Variants in TRIM62 observed in about 807,000 individuals in gnomAD.
TRIM62 encodes the protein E3 ubiquitin-protein ligase TRIM62.
A neutral mutation model predicts 44.2 loss-of-function variants in TRIM62; 39 were observed. That is an observed-to-expected ratio of 0.88 (90% CI 0.68 to 1.15). The LOEUF (loss-of-function observed/expected upper bound fraction) is 1.15, where lower values mean the gene tolerates loss of function less well. Ranked by LOEUF, TRIM62 falls within the 50% of genes most tolerant of loss-of-function variation. The pLI, the probability that TRIM62 is intolerant of heterozygous loss-of-function variation, is 0.00. For missense variants in TRIM62, 544 were observed against 665.5 expected (o/e 0.82, Z 2.01); for synonymous variants, 278 against 292.3 (o/e 0.95, Z 0.50).
Position 33,161,152 on chromosome 1 carries a change from C to T in TRIM62, c.505-1208G>A, listed in dbSNP as rs1262987910. Among the ~76,000 whole-genome samples, 1 of 152,216 alleles carries T rather than the reference C, an allele frequency of 6.6e-6. No individual in the cohort carries two copies. Among genetic ancestry groups the T allele is most frequent in the South Asian group, 2.1e-4 (1 of 4,832 alleles). ...AAATGAGGGGGTGTTGTTGTGCGCA[C>T]TCCAAGGCGCAGAGAAAGAGCCTGG... On this transcript the variant is annotated intron_variant, in intron 2 of 4. Coordinates refer to ENST00000291416, the MANE Select transcript of TRIM62 (RefSeq NM_018207.3). This position sits in a 1 kb window ranked among gnomAD's most constrained non-coding sequence, Gnocchi z 4.3.
Position 33,147,236 on chromosome 1 carries a change from GGCCAGGGCT to G in TRIM62, c.1360_1368del (p.Ser454_Gly456del), listed in dbSNP as rs1213335628. ...ACGTTCTTGCCATTGGCGTGGCTCT[GGCCAGGGCT>G]GAAGTAAGAGCAGAGCTTGCCAGGG... On this transcript the variant is annotated inframe_deletion, in exon 5 of 5. Transcript: ENST00000291416. The surrounding 1 kb of genome is among the most constrained non-coding windows in gnomAD (Gnocchi z 8.1). 6 of 1,613,944 alleles carry G rather than the reference GGCCAGGGCT, an allele frequency of 3.7e-6. No homozygotes were observed. The highest frequency in any genetic ancestry group is 4.2e-6 in the Non-Finnish European group (5 of 1,180,052).
In TRIM62 at chr1:33,177,132, C is replaced by T. The variant is rs1380831634; in HGVS notation, c.408+3893G>A. Among the ~76,000 whole-genome samples, 2 of 151,814 alleles carry T rather than the reference C, an allele frequency of 1.3e-5. No homozygotes were observed. The highest frequency in any genetic ancestry group is 2.9e-5 in the Non-Finnish European group (2 of 67,954). On this transcript the variant is annotated intron_variant, in intron 1 of 4. Transcript: ENST00000291416. The surrounding 1 kb of genome is among the most constrained non-coding windows in gnomAD (Gnocchi z 4.1). ...ACACACATGCATGTACGCATGCACA[C>T]ACACGCACATGCACACCCACAGGTT...
Position 33,146,020 on chromosome 1 carries a change from G to GCCAAT in TRIM62, c.*1156_*1157insATTGG. ...CTATTGGCTGGCACGGACCGTGGCAGAGGGAGCCTAGTTCTGCAGTCAGCA... is the reference window on the plus strand; with the variant it reads ...CTATTGGCTGGCACGGACCGTGGCAGCCAATAGGGAGCCTAGTTCTGCAGTCAGCA... On this transcript the variant is annotated 3_prime_UTR_variant, in exon 5 of 5. Coordinates refer to ENST00000291416, the MANE Select transcript of TRIM62 (RefSeq NM_018207.3). The GCCAAT allele has an allele frequency of 4.8e-6, 2 of 419,972 alleles. No individual in the cohort carries two copies. Among genetic ancestry groups the GCCAAT allele is most frequent in the Non-Finnish European group, 9.8e-6 (2 of 203,570 alleles). 26.0% of individuals were successfully genotyped at this position (419,972 alleles called of 1,614,324 possible).
chr1:33,157,224 C>T (rs964393392), intron 4 of TRIM62, among the ~76,000 whole-genome samples: 2 of 152,166 alleles, frequency 1.3e-5, no homozygotes, highest in Non-Finnish European at 2.9e-5. Context: ...TCACCTTGAC[C>T]CTCCTTCTCA....
chr1:33,159,782 G>C lies in TRIM62; in HGVS notation c.667C>G (p.Arg223Gly). 6.2e-7 allele frequency: 1 copy of C among 1,613,776 alleles called. No homozygotes were observed. The highest frequency in any genetic ancestry group is 8.5e-7 in the Non-Finnish European group (1 of 1,179,988). Reference sequence around the variant, plus strand: ...ATCTGGGCTCCCTCCTGGACCTTGCGCAGCTGCTGGCTGTAGCGCTGGACT... The same window carrying C: ...ATCTGGGCTCCCTCCTGGACCTTGCCCAGCTGCTGGCTGTAGCGCTGGACT... ...QKVQRYSQQL[R>G]KVQEGAQILQ... The change falls in exon 3 of 5, where the codon CGC becomes GGC. Residue 223 changes from arginine (R) to glycine (G), a missense_variant. By Grantham distance (125) the Arg-to-Gly change is moderately radical. Transcript: ENST00000291416. This position sits in a 1 kb window ranked among gnomAD's most constrained non-coding sequence, Gnocchi z 4.2.
chr1:33,160,003 T>A (rs1282598465), intron 2 of TRIM62, 59 bp from the exon 3 acceptor site: 14 of 1,569,258 alleles, frequency 8.9e-6, no homozygotes, highest in Non-Finnish European at 1.2e-5. Flanking sequence ...GATCTCTGGG[T>A]GAGAGGAGGA....
intron 1 of TRIM62, among the ~76,000 whole-genome samples, chr1:33,175,478 A>G (rs1267832049): frequency 6.6e-6 from 1 of 152,314 alleles, no homozygotes; most frequent in Non-Finnish European, 1.5e-5. Context: ...CTGAGTCGGG[A>G]GAGCTGAGCT....
At position 33,147,454 on chromosome 1, in the gene TRIM62, C is replaced by T. The variant is rs140058139; in HGVS notation, c.1151G>A (p.Arg384His). 133 of 1,613,776 alleles carry T rather than the reference C, an allele frequency of 8.2e-5. 1 individual carries two copies. Among genetic ancestry groups the T allele is most frequent in the Middle Eastern group, 1.6e-4 (1 of 6,084 alleles). The part of the protein sequence containing the change: ...RKGSIQIQPS[R>H]GFYCIVMHDG... ...GTGCATCACGATGCAGTAGAAGCCGCGGCTGGGCTGGATCTGGATGCTGCC... is the reference window on the plus strand; with the variant it reads ...GTGCATCACGATGCAGTAGAAGCCGTGGCTGGGCTGGATCTGGATGCTGCC... Residue 384 changes from arginine (R) to histidine (H), a missense_variant, in exon 5 of 5, where the codon CGC (arginine) becomes CAC (histidine). Physicochemically the swap from Arg to His is conservative, Grantham distance 29. Transcript: ENST00000291416. The surrounding 1 kb of genome is among the most constrained non-coding windows in gnomAD (Gnocchi z 8.1).
In TRIM62 at chr1:33,147,047, C is replaced by G. The variant is rs1004183067; in HGVS notation, c.*130G>C. ...CAACCTCCATTTTACAGACTGGAGG[C>G]TGGAGGGTAAACAACTGGCCTGAGG... On this transcript the variant is annotated 3_prime_UTR_variant, in exon 5 of 5. Transcript: ENST00000291416. This position sits in a 1 kb window ranked among gnomAD's most constrained non-coding sequence, Gnocchi z 8.1. 1.1e-6 allele frequency: 1 copy of G among 927,158 alleles called. No individual in the cohort carries two copies. The highest frequency in any genetic ancestry group is 2.5e-5 in the East Asian group (1 of 39,524). 57.4% of individuals were successfully genotyped at this position (927,158 alleles called of 1,614,324 possible).
intron 1 of TRIM62, among the ~76,000 whole-genome samples, chr1:33,170,517 T>A (rs1645365540): frequency 6.6e-6 from 1 of 151,756 alleles, no homozygotes; most frequent in South Asian, 2.1e-4. Context: ...CCTCGCTGAG[T>A]CTTCAGGATG....
At chr1:33,148,837 G>GAC (rs1644822442) in intron 4 of TRIM62, among the ~76,000 whole-genome samples, 1 of 152,172 alleles carries the variant, frequency 6.6e-6, no homozygotes, top group Non-Finnish European at 1.5e-5. Flanking sequence ...TCTTCCATTT[G>GAC]ACAGATGAGG....
rs989375421 is a variant in TRIM62 at position 33,159,592 on chromosome 1, C to T, written c.761+96G>A. On this transcript the variant is annotated intron_variant, in intron 3 of 4. Transcript: ENST00000291416. This position sits in a 1 kb window ranked among gnomAD's most constrained non-coding sequence, Gnocchi z 4.2. ...TGATGAAGATTTGAATGAAAGAATT[C>T]TCTGCTAAGGATCCCATCTGCCTCC... 3.4e-6 allele frequency: 5 copies of T among 1,452,408 alleles called. No individual in the cohort carries two copies. The highest frequency in any genetic ancestry group is 2.8e-5 in the African/African-American group (2 of 70,878). The allele number at this position is 1,452,408 out of a possible 1,614,324, so 90.0% of individuals were successfully genotyped here.
At chr1:33,150,658 G>A (rs2124713564) in intron 4 of TRIM62, among the ~76,000 whole-genome samples, 1 of 152,318 alleles carries the variant, frequency 6.6e-6, no homozygotes. Flanking sequence ...GGTCTGACTG[G>A]CCACAGGCAG....
At position 33,147,843 on chromosome 1, in the gene TRIM62, G is replaced by T; in HGVS notation, c.878-116C>A. The T allele has an allele frequency of 8.7e-7, 1 of 1,153,410 alleles. No individual in the cohort carries two copies. The highest frequency in any genetic ancestry group is 1.2e-6 in the Non-Finnish European group (1 of 824,984). The allele number at this position is 1,153,410 out of a possible 1,614,324, so 71.4% of individuals were successfully genotyped here. A position where few individuals can be genotyped will look rare whatever the true frequency, so the allele number is the denominator to read the frequency against. On this transcript the variant is annotated intron_variant, in intron 4 of 4. Coordinates refer to ENST00000291416, the MANE Select transcript of TRIM62 (RefSeq NM_018207.3). This position sits in a 1 kb window ranked among gnomAD's most constrained non-coding sequence, Gnocchi z 8.1. ...GTACGCAGGAGGCCTCTGACCTGCTGTGTGACCTTGAATACAAGTCTGCCC... is the reference window on the plus strand; with the variant it reads ...GTACGCAGGAGGCCTCTGACCTGCTTTGTGACCTTGAATACAAGTCTGCCC...
Position 33,159,945 on chromosome 1 carries a change from CTG to C in TRIM62, c.505-3_505-2del. ...TGGTCCGCAGGCTCTTGGTGGAAGA[CTG>C]TGGGGGACAGTCGTCAGGGGTTATG... On this transcript the variant is annotated splice_acceptor_variant and splice_polypyrimidine_tract_variant and intron_variant, in intron 2 of 4. Transcript: ENST00000291416. LOFTEE classifies it high-confidence loss of function. The surrounding 1 kb of genome is among the most constrained non-coding windows in gnomAD (Gnocchi z 4.2). The C allele has an allele frequency of 6.2e-7, 1 of 1,600,990 alleles. No homozygotes were observed. The highest frequency in any genetic ancestry group is 8.5e-7 in the Non-Finnish European group (1 of 1,178,332).
At position 33,159,822 on chromosome 1, in the gene TRIM62, G is replaced by A. The variant is rs112282872; in HGVS notation, c.627C>T (p.Thr209=). 375 of 1,613,822 alleles carry A rather than the reference G, an allele frequency of 2.3e-4. 1 individual carries two copies. The African/African-American group carries it at 2.9e-3, about 12-fold the overall frequency. ...ELEADTARTL[T]DIEQKVQRYS... is the part of the protein sequence containing the mutation. ...AGCGCTGGACTTTCTGCTCGATGTC[G>A]GTCAGCGTGCGGGCCGTGTCCGCCT... The change falls in exon 3 of 5, where the codon ACC becomes ACT. Residue 209 remains threonine, a synonymous_variant. Transcript: ENST00000291416. The surrounding 1 kb of genome is among the most constrained non-coding windows in gnomAD (Gnocchi z 4.2).
chr1:33,147,340 T>TCTTGTCC lies in TRIM62; in HGVS notation c.1264_1265insGGACAAG (p.Tyr422TrpfsTer4), dbSNP rs1645033615. On this transcript the variant is annotated frameshift_variant, in exon 5 of 5. Transcript: ENST00000291416. LOFTEE classifies it high-confidence loss of function. This position sits in a 1 kb window ranked among gnomAD's most constrained non-coding sequence, Gnocchi z 8.1. Reference sequence around the variant, plus strand: ...GTAGAAGATGAGCAAGCCTTGGTCATAGTCCAGGAAGACACCCACCTTGTC... The same window carrying TCTTGTCC: ...GTAGAAGATGAGCAAGCCTTGGTCATCTTGTCCAGTCCAGGAAGACACCCACCTTGTC... The TCTTGTCC allele has an allele frequency of 6.2e-7, 1 of 1,614,196 alleles. No individual in the cohort carries two copies. The highest frequency in any genetic ancestry group is 2.2e-5 in the East Asian group (1 of 44,890).
intron 1 of TRIM62, among the ~76,000 whole-genome samples, chr1:33,179,496 G>A (rs1339728205): frequency 2.0e-4 from 30 of 152,232 alleles, no homozygotes; most frequent in Non-Finnish European, 1.5e-5. Context: ...CTCGAGGCCA[G>A]AGAGCTCATT....
chr1:33,163,686 C>G (rs990268632), intron 2 of TRIM62: 1 of 152,360 alleles, frequency 6.6e-6, no homozygotes, highest in Non-Finnish European at 1.5e-5. Context: ...TGCATCACCC[C>G]GCCAGGGCGC....
Sources: gnomAD v4.1 joint callset for allele counts (sites outside exome capture counted in the v4.1 genomes callset) on GRCh38, gnomAD v4.1.1 for gene constraint, Gnocchi (gnomAD v3.1) non-coding constraint, MANE v1.5 for transcripts, NCBI Gene and HGNC (gene_info 2026-07-23, HGNC 2026-07-21) for gene names.